Variants in GTPBP10 observed in about 807,000 individuals in gnomAD.
GTPBP10 encodes the protein GTP binding protein 10.
Under a neutral mutation model 44.8 loss-of-function variants are expected in GTPBP10, and 38 were observed. That is an observed-to-expected ratio of 0.85 (90% CI 0.65 to 1.11). The LOEUF (loss-of-function observed/expected upper bound fraction) is 1.11, where lower values mean the gene tolerates loss of function less well. Among genes scored for constraint, GTPBP10 ranks in the 50% most tolerant of loss-of-function variants. The pLI is 0.00. For missense variants in GTPBP10, 462 were observed against 453.7 expected, an observed-to-expected ratio of 1.02 and a Z score of -0.17; for synonymous variants, 152 against 150.6, an observed-to-expected ratio of 1.01 and a Z score of -0.07.
In GTPBP10 at chr7:90,369,394, G is replaced by A. The variant is rs1176700402; in HGVS notation, c.465-2761G>A. ...GCTGCCATTTTTTCTGATATGCCCT[G>A]CCCAGAGAGGTTGGATCTAGAGAGG... On this transcript the variant is annotated intron_variant, in intron 4 of 9. Coordinates refer to ENST00000222511, the MANE Select transcript of GTPBP10 (RefSeq NM_033107.4). Among the ~76,000 whole-genome samples, 8 of 152,214 alleles carry A rather than the reference G, an allele frequency of 5.3e-5. No homozygotes were observed. In the East Asian group the frequency reaches 1.5e-3, roughly 29 times the overall value.
rs1042043106 is a variant in GTPBP10 at position 90,350,811 on chromosome 7, C to T, written c.34-2005C>T. Among the ~76,000 whole-genome samples the T allele has an allele frequency of 2.6e-5, 4 of 152,260 alleles. No homozygotes were observed. The East Asian group carries it at 5.8e-4, about 22-fold the overall frequency. On this transcript the variant is annotated intron_variant, in intron 1 of 9. Coordinates refer to ENST00000222511, the MANE Select transcript of GTPBP10 (RefSeq NM_033107.4). ...CATTTATCTTGAGATAGCAGGCCAT[C>T]GCAGCTACAGATTTTAATCTGTGGT...
intron 1 of GTPBP10, among the ~76,000 whole-genome samples, chr7:90,347,069 T>G (rs975586037): frequency 3.3e-5 from 5 of 152,154 alleles, no homozygotes; most frequent in Non-Finnish European, 7.3e-5. Context: ...GCCCAAATGT[T>G]GTGGTGGTTT....
At chr7:90,358,228 T>C (rs1168964811) in intron 4 of GTPBP10, among the ~76,000 whole-genome samples, 1 of 152,078 alleles carries the variant, frequency 6.6e-6, no homozygotes, top group Non-Finnish European at 1.5e-5. Context: ...GTAACCAAGG[T>C]CGAGAAAGAT....
chr7:90,371,749 CT>C (rs1314689941), intron 4 of GTPBP10, among the ~76,000 whole-genome samples: 1 of 152,092 alleles, frequency 6.6e-6, no homozygotes. Flanking sequence ...CATTACACCT[CT>C]CTACTTTTGT....
chr7:90,356,858 C>A (rs1795911200), intron 4 of GTPBP10, among the ~76,000 whole-genome samples: 1 of 152,134 alleles, frequency 6.6e-6, no homozygotes. Context: ...TACTGGAAAA[C>A]TGCATATAAT....
Position 90,369,316 on chromosome 7 carries a change from ACT to A in GTPBP10, c.465-2832_465-2831del, listed in dbSNP as rs1483119525. Among the ~76,000 whole-genome samples the A allele has an allele frequency of 4.0e-5, 6 of 151,632 alleles. No individual in the cohort carries two copies. In the East Asian group the frequency reaches 5.9e-4, roughly 15 times the overall value. On this transcript the variant is annotated intron_variant, in intron 4 of 9. Coordinates refer to ENST00000222511, the MANE Select transcript of GTPBP10 (RefSeq NM_033107.4). ...GCTTGAACACCATGCTGGGAGAACGACTCTCTCTTCAGAGCTGTCAGACAGGG... is the reference window on the plus strand; with the variant it reads ...GCTTGAACACCATGCTGGGAGAACGACTCTCTTCAGAGCTGTCAGACAGGG...
Position 90,354,489 on chromosome 7 carries a change from G to A in GTPBP10, c.259G>A (p.Asp87Asn), listed in dbSNP as rs1418200102. ...TGCACTGAAAGGCTCCAAAGGAAAA[G>A]ACTGTGAAATCCCTGTGCCTGTGGG... is the stretch of plus-strand genomic sequence containing the variant. ...ISALKGSKGK[D>N]CEIPVPVGIS... Residue 87 changes from aspartate (D) to asparagine (N), a missense_variant, in exon 3 of 10, where the codon GAC (aspartate) becomes AAC (asparagine). By Grantham distance (23) the Asp-to-Asn change is conservative (BLOSUM62 1). Transcript: ENST00000222511. 4 of 1,590,418 alleles carry A rather than the reference G, an allele frequency of 2.5e-6. No individual in the cohort carries two copies. The Admixed American group carries it at 7.2e-5, about 28-fold the overall frequency.
intron 1 of GTPBP10, among the ~76,000 whole-genome samples, chr7:90,349,587 C>A (rs1336083387): frequency 6.6e-6 from 1 of 152,206 alleles, no homozygotes; most frequent in Non-Finnish European, 1.5e-5. Flanking sequence ...TGATGTTTAT[C>A]TTTCCCTTTC....
rs1007663296 is a variant in GTPBP10 at position 90,386,196 on chromosome 7, A to G, written c.*1042A>G. The G allele has an allele frequency of 6.6e-6, 1 of 152,192 alleles. No homozygotes were observed. The highest frequency in any genetic ancestry group is 1.5e-5 in the Non-Finnish European group (1 of 68,028). 9.4% of individuals were successfully genotyped at this position (152,192 alleles called of 1,614,324 possible). A position where few individuals can be genotyped will look rare whatever the true frequency, so the allele number is the denominator to read the frequency against. ...TTAAATTTATGTGGAAGGATTCTCT[A>G]GATTATTATTAGAATGAGCAATTCA... On this transcript the variant is annotated 3_prime_UTR_variant, in exon 10 of 10. Transcript: ENST00000222511.
intron 4 of GTPBP10, among the ~76,000 whole-genome samples, chr7:90,359,155 T>A (rs28945137): frequency 0.066 from 9,962 of 151,948 alleles, 361 homozygotes; most frequent in South Asian, 0.15. Flanking sequence ...CTTAAAAAAA[T>A]TTTTTTTATT....
chr7:90,364,044 T>C (rs1244950158), intron 4 of GTPBP10, among the ~76,000 whole-genome samples: 1 of 152,212 alleles, frequency 6.6e-6, no homozygotes, highest in Non-Finnish European at 1.5e-5. Flanking sequence ...GTCTAATCTT[T>C]TGTCAAGGTT....
Position 90,377,466 on chromosome 7 carries a change from A to T in GTPBP10, c.592-41A>T, listed in dbSNP as rs371071176. On this transcript the variant is annotated intron_variant, in intron 6 of 9. Coordinates refer to ENST00000222511, the MANE Select transcript of GTPBP10 (RefSeq NM_033107.4). ...GGATGTAATTGAACTTGCGGTTTTC[A>T]TACATTTTCCTTTTTCATTAACCAT... 6 of 1,387,876 alleles carry T rather than the reference A, an allele frequency of 4.3e-6. No homozygotes were observed. The East Asian group carries it at 1.4e-4, about 32-fold the overall frequency. 86.0% of individuals were successfully genotyped at this position (1,387,876 alleles called of 1,614,324 possible).
intron 9 of GTPBP10, 99 bp from the exon 10 acceptor site, chr7:90,384,793 T>C (rs1486804163): frequency 1.7e-6 from 2 of 1,169,300 alleles, no homozygotes; most frequent in African/African-American, 3.1e-5. Flanking sequence ...TGAAAAATGC[T>C]GGTGTTGGTT....
chr7:90,368,741 C>G (rs1230372706), intron 4 of GTPBP10, among the ~76,000 whole-genome samples: 2 of 152,202 alleles, frequency 1.3e-5, no homozygotes, highest in East Asian at 3.9e-4. Context: ...TTAGAACATT[C>G]TCCTTAGCTC....
rs770420949 is a variant in GTPBP10 at position 90,377,633 on chromosome 7, A to G, written c.699+19A>G. Reference sequence around the variant, plus strand: ...TTTTGTTGTAAGTCATATGTATACTAATGTGATATTCAAATAAATTGAAAA... The same window carrying G: ...TTTTGTTGTAAGTCATATGTATACTGATGTGATATTCAAATAAATTGAAAA... On this transcript the variant is annotated intron_variant, in intron 7 of 9. Coordinates refer to ENST00000222511, the MANE Select transcript of GTPBP10 (RefSeq NM_033107.4). 7.1e-7 allele frequency: 1 copy of G among 1,413,562 alleles called. No individual in the cohort carries two copies. Among genetic ancestry groups the G allele is most frequent in the Non-Finnish European group, 9.7e-7 (1 of 1,026,460 alleles). The allele number at this position is 1,413,562 out of a possible 1,614,324, so 87.6% of individuals were successfully genotyped here.
intron 4 of GTPBP10, among the ~76,000 whole-genome samples, chr7:90,369,951 G>A (rs1474769313): frequency 1.3e-5 from 2 of 152,156 alleles, no homozygotes; most frequent in African/African-American, 2.4e-5. Flanking sequence ...GGCCATCTTG[G>A]AACTTAACTC....
rs1352733526 is a variant in GTPBP10 at position 90,383,282 on chromosome 7, CAAAAG to C, written c.901+207_901+211del. ...GATATGGACAGTAAATTAAAGGAGA[CAAAAG>C]AAAGATTAATTTGAACTAAAAAGGT... On this transcript the variant is annotated intron_variant, in intron 9 of 9. Transcript: ENST00000222511. Among the ~76,000 whole-genome samples, 4 of 151,822 alleles carry C rather than the reference CAAAAG, an allele frequency of 2.6e-5. No individual in the cohort carries two copies. In the East Asian group the frequency reaches 7.7e-4, roughly 29 times the overall value.
In GTPBP10 at chr7:90,353,731, C is replaced by T. The variant is rs904293353; in HGVS notation, c.227+722C>T. On this transcript the variant is annotated intron_variant, in intron 2 of 9. Coordinates refer to ENST00000222511, the MANE Select transcript of GTPBP10 (RefSeq NM_033107.4). ...TCTTTTATGAGCAGTTTAAGAGTAG[C>T]CAGATTTGCCTTCTATAATGTAAGT... 2.0e-5 allele frequency among the ~76,000 whole-genome samples: 3 copies of T among 151,830 alleles called. No homozygotes were observed. The South Asian group carries it at 6.2e-4, about 32-fold the overall frequency.
chr7:90,378,757 T>A (rs952727538), intron 8 of GTPBP10, among the ~76,000 whole-genome samples: 4 of 152,158 alleles, frequency 2.6e-5, no homozygotes, highest in African/African-American at 9.7e-5. Flanking sequence ...TCTGCCAGGC[T>A]GTAGTGCAGT....
Sources: allele counts gnomAD v4.1 joint callset (sites outside exome capture counted in the v4.1 genomes callset), GRCh38; gene constraint gnomAD v4.1.1; transcripts MANE v1.5; gene names NCBI Gene and HGNC (gene_info 2026-07-23, HGNC 2026-07-21).